The following KIF13A variants were observed in gnomAD, a reference collection of about 807,000 sequenced individuals.
KIF13A encodes the protein kinesin family member 13A, also known as kinesin-like protein KIF13A.
Under a neutral mutation model 212.2 loss-of-function variants are expected in KIF13A, and 79 were observed. That is an observed-to-expected ratio of 0.37 (90% CI 0.31 to 0.45). The LOEUF is 0.45. KIF13A is among the 20% of genes least tolerant of loss of function. KIF13A has a pLI of 1.00. For missense variants in KIF13A, 1,901 were observed against 2,209.0 expected, an observed-to-expected ratio of 0.86 and a Z score of 2.79; for synonymous variants, 789 against 808.6, an observed-to-expected ratio of 0.98 and a Z score of 0.41.
In KIF13A at chr6:17,829,034, G is replaced by C. The variant is rs1765208130; in HGVS notation, c.1402-664C>G. Reference sequence around the variant, plus strand: ...GCAATCTCAGCTCATTGCAACCTCTGCCTCCTGGGTTCAAGCCATTCTCTT... The same window carrying C: ...GCAATCTCAGCTCATTGCAACCTCTCCCTCCTGGGTTCAAGCCATTCTCTT... On this transcript the variant is annotated intron_variant, in intron 13 of 38. Coordinates refer to ENST00000259711, the MANE Select transcript of KIF13A (RefSeq NM_022113.6). The surrounding 1 kb of genome is among the most constrained non-coding windows in gnomAD (Gnocchi z 5.4). Among the ~76,000 whole-genome samples, 1 of 150,772 alleles carries C rather than the reference G, an allele frequency of 6.6e-6. No homozygotes were observed. The highest frequency in any genetic ancestry group is 1.5e-5 in the Non-Finnish European group (1 of 67,880).
chr6:17,779,670 A>G lies in KIF13A; in HGVS notation c.3861T>C (p.Ser1287=). ...NIYNKQSFTQ[S]LKRRISLKNI... ...TTTTCAGGGATATTCTCCTCTTCAA[A>G]CTCTGCGTGAAACTCTAGTAGAAAA... The change falls in exon 32 of 39, where the codon AGT becomes AGC. Residue 1287 remains serine, a synonymous_variant. Coordinates refer to ENST00000259711, the MANE Select transcript of KIF13A (RefSeq NM_022113.6). The G allele has an allele frequency of 1.4e-6, 2 of 1,468,724 alleles. No individual in the cohort carries two copies. Among genetic ancestry groups the G allele is most frequent in the Non-Finnish European group, 1.9e-6 (2 of 1,060,032 alleles). 91.0% of individuals were successfully genotyped at this position (1,468,724 alleles called of 1,614,324 possible). A position where few individuals can be genotyped will look rare whatever the true frequency, so the allele number is the denominator to read the frequency against.
In KIF13A at chr6:17,769,694, G is replaced by A. The variant is rs1054624355; in HGVS notation, c.4581+1420C>T. Among the ~76,000 whole-genome samples, 2 of 151,306 alleles carry A rather than the reference G, an allele frequency of 1.3e-5. No homozygotes were observed. The highest frequency in any genetic ancestry group is 6.6e-5 in the Admixed American group (1 of 15,186). On this transcript the variant is annotated intron_variant, in intron 38 of 38. Coordinates refer to ENST00000259711, the MANE Select transcript of KIF13A (RefSeq NM_022113.6). This position sits in a 1 kb window ranked among gnomAD's most constrained non-coding sequence, Gnocchi z 5.8. Reference sequence around the variant, plus strand: ...AAATTGAGTGGCTGTGCACCACAGTGATAAGTGTCATGCCAATAAACAGAT... The same window carrying A: ...AAATTGAGTGGCTGTGCACCACAGTAATAAGTGTCATGCCAATAAACAGAT...
At chr6:17,942,738 G>A (rs1310011993) in intron 2 of KIF13A, among the ~76,000 whole-genome samples, 4 of 152,126 alleles carry the variant, frequency 2.6e-5, no homozygotes, top group African/African-American at 4.8e-5. Context: ...AGCACTTTAC[G>A]AGGCCAAGGC....
At chr6:17,944,287 C>T (rs77827951) in intron 2 of KIF13A, among the ~76,000 whole-genome samples, 1 of 152,328 alleles carries the variant, frequency 6.6e-6, no homozygotes, top group East Asian at 1.9e-4. Flanking sequence ...CATACACACT[C>T]AAGTTCTTAT....
At chr6:17,852,163 C>G (rs908473452) in intron 6 of KIF13A, 121 bp from the exon 7 acceptor site, 8 of 449,350 alleles carry the variant, frequency 1.8e-5, no homozygotes, top group Non-Finnish European at 2.8e-5. Flanking sequence ...ACTCCTCCCC[C>G]CAACAAATCT....
chr6:17,824,485 C>T (rs868177384), intron 16 of KIF13A, among the ~76,000 whole-genome samples: 8 of 151,838 alleles, frequency 5.3e-5, no homozygotes, highest in African/African-American at 1.7e-4. Context: ...CTCGGCTGGG[C>T]GTGGTGGCTC....
chr6:17,798,424 A>C (rs899723119), intron 22 of KIF13A, among the ~76,000 whole-genome samples: 2 of 152,238 alleles, frequency 1.3e-5, no homozygotes, highest in African/African-American at 4.8e-5. Flanking sequence ...TGATTAATAA[A>C]GATTTTGAGG....
intron 20 of KIF13A, among the ~76,000 whole-genome samples, chr6:17,802,448 C>T (rs1229547802): frequency 3.3e-5 from 5 of 151,904 alleles, no homozygotes; most frequent in South Asian, 4.2e-4. Context: ...TGCGCCACCA[C>T]GCCGGCTAAT....
chr6:17,980,645 G>T (rs1290472260), intron 2 of KIF13A, among the ~76,000 whole-genome samples: 2 of 151,906 alleles, frequency 1.3e-5, no homozygotes, highest in Non-Finnish European at 2.9e-5. Flanking sequence ...AAGTAATTAA[G>T]TACACAGAAA....
Position 17,984,088 on chromosome 6 carries a change from G to T in KIF13A, c.146+2966C>A, listed in dbSNP as rs79560571. ...TGAGGTACAAAGAGAAGTAGGATAA[G>T]GTACCTACCTGCCTTCAAGCAGTTC... On this transcript the variant is annotated intron_variant, in intron 2 of 38. Transcript: ENST00000259711. This position sits in a 1 kb window ranked among gnomAD's most constrained non-coding sequence, Gnocchi z 5.0. Among the ~76,000 whole-genome samples the T allele has an allele frequency of 3.7e-3, 569 of 152,256 alleles. 6 individuals are homozygous for T. Among genetic ancestry groups the T allele is most frequent in the African/African-American group, 0.013 (522 of 41,540 alleles).
chr6:17,850,462 G>C lies in KIF13A; in HGVS notation c.583-5C>G, dbSNP rs752223066. On this transcript the variant is annotated splice_polypyrimidine_tract_variant and splice_region_variant and intron_variant, in intron 7 of 38. Coordinates refer to ENST00000259711, the MANE Select transcript of KIF13A (RefSeq NM_022113.6). The surrounding 1 kb of genome is among the most constrained non-coding windows in gnomAD (Gnocchi z 6.2). ...AGACATCAATGACTCAATATCCTAG[G>C]GGCAAAGCATAAGGAAAAGACCATA... 7 of 1,610,062 alleles carry C rather than the reference G, an allele frequency of 4.3e-6. No individual in the cohort carries two copies. In the Admixed American group the frequency reaches 1.2e-4, roughly 27 times the overall value.
chr6:17,808,877 G>C lies in KIF13A; in HGVS notation c.2054C>G (p.Ala685Gly). The C allele has an allele frequency of 6.2e-7, 1 of 1,613,498 alleles. No homozygotes were observed. ...GTTTGCTTCCCTCACCAAGGTATTAGCTTTAACCAGCTGCTCTCGCAGTTT... is the reference window on the plus strand; with the variant it reads ...GTTTGCTTCCCTCACCAAGGTATTACCTTTAACCAGCTGCTCTCGCAGTTT... Reference protein sequence around the residue: ...LAKLREQLVKANTLVREANFL... With the variant: ...LAKLREQLVKGNTLVREANFL... Residue 685 changes from alanine to glycine, a missense_variant, in exon 18 of 39, where the codon GCT (alanine) becomes GGT (glycine). Coordinates refer to ENST00000259711, the MANE Select transcript of KIF13A (RefSeq NM_022113.6).
Position 17,967,769 on chromosome 6 carries a change from G to A in KIF13A, c.146+19285C>T, listed in dbSNP as rs1445762443. Reference sequence around the variant, plus strand: ...CTGCTCTGATTTCTGAACCAAGAAGGCTCAACCATGGGACTAGGACCCGCT... The same window carrying A: ...CTGCTCTGATTTCTGAACCAAGAAGACTCAACCATGGGACTAGGACCCGCT... On this transcript the variant is annotated intron_variant, in intron 2 of 38. Transcript: ENST00000259711. The surrounding 1 kb of genome is among the most constrained non-coding windows in gnomAD (Gnocchi z 4.1). Among the ~76,000 whole-genome samples, 1 of 152,168 alleles carries A rather than the reference G, an allele frequency of 6.6e-6. No homozygotes were observed. The highest frequency in any genetic ancestry group is 1.5e-5 in the Non-Finnish European group (1 of 68,040).
chr6:17,822,039 A>AATTAT, intron 16 of KIF13A: 1 of 692,414 alleles, frequency 1.4e-6, no homozygotes, highest in Non-Finnish European at 2.1e-6. Flanking sequence ...GGGAAACATA[A>AATTAT]CTTCTTTTTT....
Position 17,811,102 on chromosome 6 carries a change from T to C in KIF13A, c.2001-2172A>G, listed in dbSNP as rs1763393010. 6.6e-6 allele frequency among the ~76,000 whole-genome samples: 1 copy of C among 152,216 alleles called. No homozygotes were observed. Among genetic ancestry groups the C allele is most frequent in the African/African-American group, 2.4e-5 (1 of 41,452 alleles). On this transcript the variant is annotated intron_variant, in intron 17 of 38. Transcript: ENST00000259711. The surrounding 1 kb of genome is among the most constrained non-coding windows in gnomAD (Gnocchi z 6.0). ...AATCTGCCCACCCAAAATGTCCTTCTTACTTTCTCTCTGCTGGTCAAACTC... is the reference window on the plus strand; with the variant it reads ...AATCTGCCCACCCAAAATGTCCTTCCTACTTTCTCTCTGCTGGTCAAACTC...
Position 17,984,050 on chromosome 6 carries a change from G to GA in KIF13A, c.146+3003_146+3004insT, listed in dbSNP as rs141336032. 0.096 allele frequency among the ~76,000 whole-genome samples: 14,644 copies of GA among 152,226 alleles called. 888 individuals carry two copies. The highest frequency in any genetic ancestry group is 0.18 in the East Asian group (923 of 5,172). ...TTTGCTAAGCCCTTGCTAAGTGCCA[G>GA]TATGCAGGAGCATGAGGTACAAAGA... On this transcript the variant is annotated intron_variant, in intron 2 of 38. Coordinates refer to ENST00000259711, the MANE Select transcript of KIF13A (RefSeq NM_022113.6). The surrounding 1 kb of genome is among the most constrained non-coding windows in gnomAD (Gnocchi z 5.0).
At chr6:17,762,754 A>C (rs1758645050), downstream of KIF13A, among the ~76,000 whole-genome samples, 1 of 152,202 alleles carries the variant, frequency 6.6e-6, no homozygotes, top group African/African-American at 2.4e-5. Context: ...AATGGTGGTG[A>C]GTGACTCTAT....
In KIF13A at chr6:17,783,726, C is replaced by A; in HGVS notation, c.3489-25G>T. 6.9e-7 allele frequency: 1 copy of A among 1,447,398 alleles called. No homozygotes were observed. The highest frequency in any genetic ancestry group is 9.5e-7 in the Non-Finnish European group (1 of 1,049,602). The allele number at this position is 1,447,398 out of a possible 1,614,324, so 89.7% of individuals were successfully genotyped here. Reference sequence around the variant, plus strand: ...CCTAAATTTAATAACAACATTTAATCATAACAAAATATGTATTTTACATCT... The same window carrying A: ...CCTAAATTTAATAACAACATTTAATAATAACAAAATATGTATTTTACATCT... On this transcript the variant is annotated intron_variant, in intron 28 of 38. Coordinates refer to ENST00000259711, the MANE Select transcript of KIF13A (RefSeq NM_022113.6). This position sits in a 1 kb window ranked among gnomAD's most constrained non-coding sequence, Gnocchi z 4.3.
intron 3 of KIF13A, among the ~76,000 whole-genome samples, chr6:17,887,682 T>G (rs1028093392): frequency 2.6e-5 from 4 of 152,072 alleles, no homozygotes; most frequent in African/African-American, 9.7e-5. Flanking sequence ...TTGTTTGTCT[T>G]CCTTTACATA....
Sources: allele counts gnomAD v4.1 joint callset (sites outside exome capture counted in the v4.1 genomes callset), GRCh38; gene constraint gnomAD v4.1.1; non-coding constraint Gnocchi (gnomAD v3.1); transcripts MANE v1.5; gene names NCBI Gene and HGNC (gene_info 2026-07-23, HGNC 2026-07-21).